The following PRKCA variants were observed in gnomAD, a reference collection of about 807,000 sequenced individuals.
PRKCA encodes protein kinase C alpha type.
PRKCA carries 27 observed loss-of-function variants against 87.0 expected under a neutral mutation model. The observed-to-expected ratio is 0.31, with a 90% confidence interval of 0.23 to 0.43. PRKCA has a LOEUF of 0.43. Ranked by LOEUF, PRKCA falls within the 20% of genes least tolerant of loss-of-function variation. PRKCA has a pLI of 1.00. For missense variants in PRKCA, 518 were observed against 852.3 expected (o/e 0.61, Z 4.88); for synonymous variants, 329 against 311.1 (o/e 1.06, Z -0.61).
intron 2 of PRKCA, among the ~76,000 whole-genome samples, chr17:66,473,338 C>T (rs190055540): frequency 1.8e-4 from 28 of 152,296 alleles, no homozygotes; most frequent in Admixed American, 1.4e-3. Flanking sequence ...TGCACGGACT[C>T]GCCCTGGCTT....
chr17:66,689,579 C>A lies in PRKCA; in HGVS notation c.918+532C>A, dbSNP rs1972723839. The stretch of plus-strand genomic sequence containing the variant: ...CCAGATGTTTAGCAAAGGCCACCTC[C>A]TTCTCTTCTTCCTCTTGGTATTTGT... On this transcript the variant is annotated intron_variant, in intron 8 of 16. Coordinates refer to ENST00000413366, the MANE Select transcript of PRKCA (RefSeq NM_002737.3). The surrounding 1 kb of genome is among the most constrained non-coding windows in gnomAD (Gnocchi z 4.1). Among the ~76,000 whole-genome samples, 3 of 152,080 alleles carry A rather than the reference C, an allele frequency of 2.0e-5. No individual in the cohort carries two copies. The highest frequency in any genetic ancestry group is 2.0e-4 in the Admixed American group (3 of 15,262).
At chr17:66,352,579 T>TG (rs980478734) in intron 2 of PRKCA, among the ~76,000 whole-genome samples, 2 of 145,080 alleles carry the variant, frequency 1.4e-5, no homozygotes, top group African/African-American at 5.1e-5. Flanking sequence ...TTTTTTTTTT[T>TG]TTTGAGATGG....
intron 2 of PRKCA, among the ~76,000 whole-genome samples, chr17:66,369,140 T>G (rs1908942400): frequency 1.3e-5 from 2 of 152,216 alleles, no homozygotes; most frequent in African/African-American, 4.8e-5. Context: ...ATTCAGCTTG[T>G]GTTGATCAGA....
chr17:66,556,905 A>G (rs1029528377), intron 3 of PRKCA, among the ~76,000 whole-genome samples: 5 of 152,218 alleles, frequency 3.3e-5, no homozygotes, highest in African/African-American at 9.7e-5. Flanking sequence ...ATGGACTAAT[A>G]CACTACTACC....
intron 14 of PRKCA, among the ~76,000 whole-genome samples, chr17:66,780,380 GAAAAT>G (rs68011351): frequency 0.18 from 27,445 of 151,980 alleles, 2,606 homozygotes; most frequent in East Asian, 0.29. Context: ...ATCATAATTT[GAAAAT>G]AATATAAGAG....
At chr17:66,466,814 C>T (rs369723320) in intron 2 of PRKCA, among the ~76,000 whole-genome samples, 83 of 151,896 alleles carry the variant, frequency 5.5e-4, no homozygotes, top group African/African-American at 1.9e-3. Context: ...AATTCCTTCA[C>T]GCTGGGGTCA....
At chr17:66,388,252 A>G (rs1406745067) in intron 2 of PRKCA, among the ~76,000 whole-genome samples, 1 of 152,148 alleles carries the variant, frequency 6.6e-6, no homozygotes, top group Non-Finnish European at 1.5e-5. Flanking sequence ...GTAGAATCAA[A>G]TAATTTTGAA....
chr17:66,750,916 C>T (rs1034407858), intron 13 of PRKCA, among the ~76,000 whole-genome samples: 2 of 152,208 alleles, frequency 1.3e-5, no homozygotes, highest in Non-Finnish European at 2.9e-5. Context: ...GGCCTGCAGA[C>T]ATCAGCTCCA....
At chr17:66,626,526 T>TA (rs1355943581) in intron 3 of PRKCA, among the ~76,000 whole-genome samples, 2 of 124,154 alleles carry the variant, frequency 1.6e-5, no homozygotes, top group Non-Finnish European at 3.7e-5. Context: ...CAAGCCCGGC[T>TA]AATTTTTTTT....
At chr17:66,331,829 C>T (rs1026107100) in intron 2 of PRKCA, among the ~76,000 whole-genome samples, 4 of 152,160 alleles carry the variant, frequency 2.6e-5, no homozygotes, top group Non-Finnish European at 5.9e-5. Context: ...ATCTTTGTTT[C>T]TGGGAAGGAA....
At chr17:66,338,350 A>G (rs766110333) in intron 2 of PRKCA, among the ~76,000 whole-genome samples, 2 of 152,086 alleles carry the variant, frequency 1.3e-5, no homozygotes, top group Admixed American at 6.5e-5. Flanking sequence ...CTTACTGTGC[A>G]AAACCCCCAC....
chr17:66,500,159 G>GA (rs1916666829), intron 3 of PRKCA, among the ~76,000 whole-genome samples: 1 of 152,178 alleles, frequency 6.6e-6, no homozygotes, highest in Non-Finnish European at 1.5e-5. Context: ...CCAGGAAGCA[G>GA]AGCCCAGCTG....
intron 3 of PRKCA, among the ~76,000 whole-genome samples, chr17:66,561,581 G>A (rs914672688): frequency 2.0e-5 from 3 of 152,142 alleles, no homozygotes; most frequent in African/African-American, 7.2e-5. Flanking sequence ...CCAGAAGAGG[G>A]TCTCGAAGAG....
At position 66,563,185 on chromosome 17, in the gene PRKCA, A is replaced by C. The variant is rs114451081; in HGVS notation, c.288+66902A>C. On this transcript the variant is annotated intron_variant, in intron 3 of 16. Transcript: ENST00000413366. Reference sequence around the variant, plus strand: ...CATTTCTTACAACTGATGCAATATTATTAACAAAAGTCCATGGTCTACATT... The same window carrying C: ...CATTTCTTACAACTGATGCAATATTCTTAACAAAAGTCCATGGTCTACATT... Among the ~76,000 whole-genome samples, 917 of 152,250 alleles carry C rather than the reference A, an allele frequency of 6.0e-3. 13 individuals are homozygous for C. Among genetic ancestry groups the C allele is most frequent in the African/African-American group, 0.018 (767 of 41,538 alleles).
rs1484006840 is a variant in PRKCA at position 66,302,752 on chromosome 17, G to A, written c.-100G>A. 1.0e-6 allele frequency: 1 copy of A among 976,656 alleles called. No individual in the cohort carries two copies. Among genetic ancestry groups the A allele is most frequent in the Admixed American group, 5.5e-5 (1 of 18,258 alleles). The allele number at this position is 976,656 out of a possible 1,614,324, so 60.5% of individuals were successfully genotyped here. On this transcript the variant is annotated 5_prime_UTR_variant, in exon 1 of 17. Transcript: ENST00000413366. ...GCCACCGGCCCGCGCCCCGCGCCCG[G>A]GGTCGCCCCGAGCCCGCACCTCTCC... is the stretch of plus-strand genomic sequence containing the variant.
chr17:66,409,913 G>A (rs754633968), intron 2 of PRKCA, among the ~76,000 whole-genome samples: 15 of 152,184 alleles, frequency 9.9e-5, no homozygotes, highest in Non-Finnish European at 1.9e-4. Context: ...GTGAGACTCC[G>A]TCTCAAAGAA....
intron 5 of PRKCA, among the ~76,000 whole-genome samples, chr17:66,664,269 G>A (rs1188900341): frequency 6.6e-6 from 1 of 152,172 alleles, no homozygotes; most frequent in East Asian, 1.9e-4. Flanking sequence ...GTGGTTCAGA[G>A]GCCCACTCAG....
Position 66,721,119 on chromosome 17 carries a change from G to A in PRKCA, c.919-11569G>A, listed in dbSNP as rs147959968. Among the ~76,000 whole-genome samples, 161 of 152,192 alleles carry A rather than the reference G, an allele frequency of 1.1e-3. 2 individuals carry two copies. Among genetic ancestry groups the A allele is most frequent in the African/African-American group, 3.4e-3 (140 of 41,502 alleles). On this transcript the variant is annotated intron_variant, in intron 8 of 16. Transcript: ENST00000413366. ...AAGTAAAGGAATAAAAGAATGGGCC[G>A]GGTGCAGTGGCTCACACCTGTAATC...
intron 2 of PRKCA, among the ~76,000 whole-genome samples, chr17:66,433,311 C>T (rs1913194996): frequency 6.6e-6 from 1 of 152,106 alleles, no homozygotes; most frequent in African/African-American, 2.4e-5. Context: ...TGGTCCTGGC[C>T]CTGGAGGCAT....
Sources: allele counts gnomAD v4.1 joint callset (sites outside exome capture counted in the v4.1 genomes callset), GRCh38; gene constraint gnomAD v4.1.1; non-coding constraint Gnocchi (gnomAD v3.1); transcripts MANE v1.5; gene names NCBI Gene and HGNC (gene_info 2026-07-23, HGNC 2026-07-21).